The following DGKZ variants were observed in gnomAD, a reference collection of about 807,000 sequenced individuals.
DGKZ encodes the protein diacylglycerol kinase zeta.
Under a neutral mutation model 142.5 loss-of-function variants are expected in DGKZ, and 45 were observed. That is an observed-to-expected ratio of 0.32 (90% CI 0.25 to 0.40). The LOEUF (loss-of-function observed/expected upper bound fraction) is 0.40. Among genes scored for constraint, DGKZ ranks in the 10% least tolerant of loss-of-function variants. The pLI, the probability that DGKZ is intolerant of heterozygous loss-of-function variation, is 1.00. For synonymous variants in DGKZ, 442 were observed against 527.0 expected, an observed-to-expected ratio of 0.84 and a Z score of 2.21; for missense variants, 755 against 1,306.5, an observed-to-expected ratio of 0.58 and a Z score of 6.51.
intron 1 of DGKZ, chr11:46,361,747 T>G: frequency 2.2e-5 from 17 of 771,108 alleles, no homozygotes; most frequent in South Asian, 5.9e-5. Context: ...TTCTGCTTCC[T>G]CCCTCTGTAT....
intron 27 of DGKZ, 100 bp downstream of exon 27, chr11:46,378,600 GTCA>G: frequency 6.8e-7 from 1 of 1,474,378 alleles, no homozygotes; most frequent in Non-Finnish European, 9.4e-7. Context: ...CTCAGGTGCT[GTCA>G]TCTGTCATCG....
At chr11:46,369,161 G>GC in intron 4 of DGKZ, 1 of 382,044 alleles carries the variant, frequency 2.6e-6, no homozygotes, top group Non-Finnish European at 5.0e-6. Flanking sequence ...GGGCAACAGA[G>GC]CGAGACTCTG....
intron 1 of DGKZ, among the ~76,000 whole-genome samples, chr11:46,335,427 GCACACACACA>G (rs56935902): frequency 6.8e-6 from 1 of 147,842 alleles, no homozygotes; most frequent in Admixed American, 6.8e-5. Flanking sequence ...ACACGTGCAC[GCACACACACA>G]CACACACACA....
At chr11:46,377,384 G>A in intron 25 of DGKZ, 172 bp downstream of exon 25, 3 of 1,254,744 alleles carry the variant, frequency 2.4e-6, no homozygotes, top group South Asian at 3.4e-5. Context: ...TGGGGAAGCG[G>A]CCTCACGTCC....
chr11:46,345,599 G>A (rs1283439139), upstream of DGKZ: 1 of 1,501,546 alleles, frequency 6.7e-7, no homozygotes, highest in Non-Finnish European at 8.9e-7. This position sits in a 1 kb window ranked among gnomAD's most constrained non-coding sequence, Gnocchi z 4.1. Context: ...GGTACAAGGG[G>A]TGGCCTGGGA....
intron 1 of DGKZ, among the ~76,000 whole-genome samples, chr11:46,350,800 C>T (rs927410220): frequency 1.3e-5 from 2 of 152,052 alleles, no homozygotes; most frequent in Non-Finnish European, 2.9e-5. Context: ...CCATCTCTGC[C>T]CCACACAACT....
intron 1 of DGKZ, among the ~76,000 whole-genome samples, chr11:46,355,908 G>A (rs549120893): frequency 3.9e-5 from 6 of 152,258 alleles, no homozygotes; most frequent in African/African-American, 7.2e-5. Context: ...CACCACACCC[G>A]GCTAATTTTG....
chr11:46,364,664 G>T, intron 1 of DGKZ: 4 of 985,454 alleles, frequency 4.1e-6, no homozygotes, highest in South Asian at 9.4e-5. Flanking sequence ...CTCAAGACCT[G>T]CAGGGCAGTA....
chr11:46,356,722 T>A (rs746679233), intron 1 of DGKZ, among the ~76,000 whole-genome samples: 1 of 151,912 alleles, frequency 6.6e-6, no homozygotes, highest in Non-Finnish European at 1.5e-5. Flanking sequence ...CACTACTGAG[T>A]TCAAACCCCA....
rs1255679415 is a variant in DGKZ at position 46,372,626 on chromosome 11, G to A, written c.1020G>A (p.Met340Ile). ...CTTCCCATGAGCCCAGGCTGGAGAT[G>A]TACCGCAAAGTGCACAACCTGCGGA... The change falls in exon 12 of 31, where the codon ATG becomes ATA. Residue 340 changes from methionine (M) to isoleucine (I), a missense_variant. Met to Ile is a conservative substitution (Grantham distance 10). This residue lies in a region of DGKZ where 191 missense variants were observed against 472.1 expected (regional missense o/e 0.40). Transcript: ENST00000527911. The surrounding 1 kb of genome is among the most constrained non-coding windows in gnomAD (Gnocchi z 5.9). 1.2e-6 allele frequency: 2 copies of A among 1,613,740 alleles called. No individual in the cohort carries two copies. Among genetic ancestry groups the A allele is most frequent in the African/African-American group, 1.3e-5 (1 of 75,022 alleles).
At chr11:46,365,651 T>G (rs1436130369) in intron 1 of DGKZ, 4 of 985,360 alleles carry the variant, frequency 4.1e-6, no homozygotes, top group South Asian at 4.7e-5. Flanking sequence ...TGAGAGACTC[T>G]GGGGGTCCTG....
At chr11:46,369,867 G>C in intron 5 of DGKZ, 74 bp from the exon 6 acceptor site, 1 of 1,521,934 alleles carries the variant, frequency 6.6e-7, no homozygotes. Context: ...CGTGTGTTGA[G>C]CCGTGTGGGC....
Position 46,370,921 on chromosome 11 carries a change from T to G in DGKZ, c.571-392T>G, listed in dbSNP as rs536604080. 2.0e-5 allele frequency among the ~76,000 whole-genome samples: 3 copies of G among 152,114 alleles called. No individual in the cohort carries two copies. In the East Asian group the frequency reaches 5.8e-4, roughly 29 times the overall value. Reference sequence around the variant, plus strand: ...TAACATGGTGAAACCCTGTCTCTACTGAAAATACAAAAAATTAGCTGGGCG... The same window carrying G: ...TAACATGGTGAAACCCTGTCTCTACGGAAAATACAAAAAATTAGCTGGGCG... On this transcript the variant is annotated intron_variant, in intron 6 of 30. Coordinates refer to ENST00000527911, the Ensembl canonical transcript of DGKZ.
At position 46,372,548 on chromosome 11, in the gene DGKZ, G is replaced by A; in HGVS notation, c.1010+38G>A. 1 of 1,613,852 alleles carries A rather than the reference G, an allele frequency of 6.2e-7. No individual in the cohort carries two copies. The highest frequency in any genetic ancestry group is 8.5e-7 in the Non-Finnish European group (1 of 1,179,910). On this transcript the variant is annotated intron_variant, in intron 11 of 30. Transcript: ENST00000527911. This position sits in a 1 kb window ranked among gnomAD's most constrained non-coding sequence, Gnocchi z 5.9. ...CAAGGTTTTGTGGGGGACATGGGGG[G>A]GAACTTGCCTCACTCCTGGGGTACA...
intron 1 of DGKZ, chr11:46,365,393 C>T (rs1943133943): frequency 1.0e-6 from 1 of 985,296 alleles, no homozygotes; most frequent in South Asian, 4.7e-5. Flanking sequence ...CAGTCGAGCA[C>T]CAGAAAGTTC....
Position 46,341,504 on chromosome 11 carries a change from A to G in DGKZ, c.212+8017A>G, listed in dbSNP as rs1264505879. On this transcript the variant is annotated intron_variant, in intron 1 of 30. Transcript: ENST00000343674. ...TGTCGTACAAATGAATGAAGGAATG[A>G]ATGACCAAAAACTTGGAAATCAGGA... 2.6e-5 allele frequency among the ~76,000 whole-genome samples: 4 copies of G among 152,232 alleles called. No individual in the cohort carries two copies. The East Asian group carries it at 5.8e-4, about 22-fold the overall frequency.
Position 46,341,920 on chromosome 11 carries a change from AAGCAAGAAC to A in DGKZ, c.212+8437_212+8445del, listed in dbSNP as rs1345960954. The stretch of plus-strand genomic sequence containing the variant: ...GGAAAGCCTGGACAAAGAGGCGGAA[AAGCAAGAAC>A]AGCCAGAGAACGTAAGGAGCCGCGA... On this transcript the variant is annotated intron_variant, in intron 1 of 30. Coordinates refer to the DGKZ transcript ENST00000343674. Among the ~76,000 whole-genome samples the A allele has an allele frequency of 5.9e-5, 9 of 152,280 alleles. No homozygotes were observed. The East Asian group carries it at 1.5e-3, about 26-fold the overall frequency.
chr11:46,333,333 G>A, exon 1 of DGKZ: 1 of 1,330,346 alleles, frequency 7.5e-7, no homozygotes, highest in African/African-American at 1.5e-5. Context: ...CGGCGGCCGG[G>A]CAGCCGAGGA....
upstream of DGKZ, among the ~76,000 whole-genome samples, chr11:46,344,990 C>T (rs1055000217): frequency 4.6e-5 from 7 of 152,200 alleles, no homozygotes; most frequent in Non-Finnish European, 7.3e-5. Context: ...CCTGTATGCC[C>T]AGCCCTGTGT....
Sources: gnomAD v4.1 joint callset for allele counts (sites outside exome capture counted in the v4.1 genomes callset) on GRCh38, gnomAD v4.1.1 for gene constraint, gnomAD v4.1.1 regional missense constraint, Gnocchi (gnomAD v3.1) non-coding constraint, MANE v1.5 for transcripts, NCBI Gene and HGNC (gene_info 2026-07-23, HGNC 2026-07-21) for gene names.